MACROD2: variants seen among roughly 807,000 people sequenced by gnomAD.
MACROD2 encodes the protein mono-ADP ribosylhydrolase 2.
Under a neutral mutation model 70.4 loss-of-function variants are expected in MACROD2, and 36 were observed. The observed-to-expected ratio is 0.51, with a 90% CI of 0.39 to 0.68. The LOEUF (loss-of-function observed/expected upper bound fraction) is 0.68, where lower values mean the gene tolerates loss of function less well. MACROD2 is among the 30% of genes least tolerant of loss of function. The pLI is 0.00. For synonymous variants in MACROD2, 172 were observed against 178.8 expected (o/e 0.96, Z 0.30); for missense variants, 496 against 538.4 (o/e 0.92, Z 0.78).
intron 3 of MACROD2, among the ~76,000 whole-genome samples, chr20:14,365,119 G>C (rs1323888476): frequency 6.6e-6 from 1 of 152,094 alleles, no homozygotes; most frequent in African/African-American, 2.4e-5. Flanking sequence ...TTGATGGGTG[G>C]TTTTTGATTA....
chr20:15,997,537 C>T (rs955096476), intron 15 of MACROD2, among the ~76,000 whole-genome samples: 1 of 151,910 alleles, frequency 6.6e-6, no homozygotes, highest in African/African-American at 2.4e-5. Flanking sequence ...CCTGATTTTT[C>T]TGTTGATTTC....
At position 15,088,397 on chromosome 20, in the gene MACROD2, T is replaced by TTA. The variant is rs71190173; in HGVS notation, c.419-141490_419-141489dup. ...ACCATTAAAACATATATACTATATT[T>TTA]TATATATATATATATATATATATAT... On this transcript the variant is annotated intron_variant, in intron 5 of 17. Transcript: ENST00000684519. 1.3e-3 allele frequency among the ~76,000 whole-genome samples: 139 copies of TTA among 111,006 alleles called. 1 individual carries two copies. Among genetic ancestry groups the TTA allele is most frequent in the East Asian group, 7.7e-3 (17 of 2,198 alleles). 72.8% of individuals were successfully genotyped at this position (111,006 alleles called of 152,430 possible).
At chr20:14,677,756 G>C (rs2070879586) in intron 4 of MACROD2, among the ~76,000 whole-genome samples, 1 of 152,136 alleles carries the variant, frequency 6.6e-6, no homozygotes, top group Non-Finnish European at 1.5e-5. Flanking sequence ...TCACTAAGTA[G>C]GAGGAACAGC....
At chr20:16,004,620 C>A (rs1167745974) in intron 15 of MACROD2, among the ~76,000 whole-genome samples, 1 of 152,218 alleles carries the variant, frequency 6.6e-6, no homozygotes, top group Non-Finnish European at 1.5e-5. Context: ...CTCTTATACT[C>A]TCTGCCTTTA....
Position 14,012,161 on chromosome 20 carries a change from C to T in MACROD2, c.163+9757C>T, listed in dbSNP as rs146307604. Among the ~76,000 whole-genome samples, 486 of 152,272 alleles carry T rather than the reference C, an allele frequency of 3.2e-3. 6 individuals are homozygous for T. Among genetic ancestry groups the T allele is most frequent in the African/African-American group, 0.011 (467 of 41,544 alleles). ...GCCTCAAGTGATCCACCCTCCTCTG[C>T]GTCCCAAAGTGCTGGGATTACAGGT... On this transcript the variant is annotated intron_variant, in intron 2 of 17. Transcript: ENST00000684519.
chr20:14,489,934 C>T (rs910888772), intron 3 of MACROD2, among the ~76,000 whole-genome samples: 2 of 151,454 alleles, frequency 1.3e-5, no homozygotes, highest in Non-Finnish European at 2.9e-5. Flanking sequence ...AATCTCGGCT[C>T]ACTGCCACCT....
chr20:14,273,966 A>G (rs1470867600), intron 3 of MACROD2, among the ~76,000 whole-genome samples: 2 of 152,178 alleles, frequency 1.3e-5, no homozygotes, highest in South Asian at 4.1e-4. Context: ...ATCTCTGAAT[A>G]GACCAATAAC....
intron 4 of MACROD2, among the ~76,000 whole-genome samples, chr20:14,640,271 G>A (rs1375453030): frequency 6.6e-6 from 1 of 152,150 alleles, no homozygotes; most frequent in East Asian, 1.9e-4. Flanking sequence ...GATTTCTATA[G>A]CAACTGGAAT....
intron 5 of MACROD2, among the ~76,000 whole-genome samples, chr20:15,050,159 A>G (rs980581121): frequency 6.6e-6 from 1 of 152,108 alleles, no homozygotes; most frequent in East Asian, 1.9e-4. Context: ...TAACAATCAT[A>G]CAAAAGGAGC....
chr20:14,835,183 G>C (rs16995057), intron 5 of MACROD2, among the ~76,000 whole-genome samples: 1,759 of 151,970 alleles, frequency 0.012, 48 homozygotes, highest in African/African-American at 0.039. Flanking sequence ...GTTACTTTTT[G>C]TTTATTACTT....
chr20:15,166,082 TG>T (rs773643315), intron 5 of MACROD2, among the ~76,000 whole-genome samples: 3 of 152,140 alleles, frequency 2.0e-5, no homozygotes, highest in Non-Finnish European at 4.4e-5. Flanking sequence ...TGCATGCAGC[TG>T]GGGGTAGGAA....
intron 15 of MACROD2, among the ~76,000 whole-genome samples, chr20:16,029,304 C>T (rs2067121649): frequency 1.3e-5 from 2 of 152,118 alleles, no homozygotes; most frequent in Admixed American, 1.3e-4. Context: ...TGATCAGAAC[C>T]ATCATTTGAA....
intron 5 of MACROD2, among the ~76,000 whole-genome samples, chr20:14,915,974 C>G (rs1317932638): frequency 6.6e-6 from 1 of 152,176 alleles, no homozygotes; most frequent in African/African-American, 2.4e-5. Flanking sequence ...AAAAAAAGAG[C>G]TGTCCATTCT....
chr20:14,406,372 A>T (rs1164690571), intron 3 of MACROD2, among the ~76,000 whole-genome samples: 2 of 152,216 alleles, frequency 1.3e-5, no homozygotes, highest in Middle Eastern at 3.4e-3. Context: ...CCTGGCTTAG[A>T]CGTGTTCTGA....
chr20:14,345,458 G>A (rs567097609), intron 3 of MACROD2, among the ~76,000 whole-genome samples: 1 of 151,876 alleles, frequency 6.6e-6, no homozygotes, highest in African/African-American at 2.4e-5. Flanking sequence ...GTAATTATAA[G>A]GAACTTTTAA....
intron 3 of MACROD2, among the ~76,000 whole-genome samples, chr20:14,126,795 C>A (rs2054656440): frequency 6.6e-6 from 1 of 152,074 alleles, no homozygotes; most frequent in African/African-American, 2.4e-5. Context: ...GGGGTACCAC[C>A]AACCGCACCC....
chr20:15,248,658 C>T (rs527279505), intron 6 of MACROD2, among the ~76,000 whole-genome samples: 30 of 152,230 alleles, frequency 2.0e-4, no homozygotes, highest in Admixed American at 1.6e-3. Flanking sequence ...CCCCAGAGTC[C>T]GCTCAGTCTC....
chr20:15,993,688 A>G (rs188076867), intron 15 of MACROD2, among the ~76,000 whole-genome samples: 2 of 152,204 alleles, frequency 1.3e-5, no homozygotes, highest in African/African-American at 4.8e-5. Flanking sequence ...ACATTCAGAA[A>G]CACTGAATAT....
intron 8 of MACROD2, among the ~76,000 whole-genome samples, chr20:15,604,532 C>T (rs2048866822): frequency 6.6e-6 from 1 of 152,162 alleles, no homozygotes; most frequent in South Asian, 2.1e-4. Context: ...GACAAGAGGA[C>T]CAAATGGGAC....
Sources: allele counts gnomAD v4.1 joint callset (sites outside exome capture counted in the v4.1 genomes callset), GRCh38; gene constraint gnomAD v4.1.1; transcripts MANE v1.5; gene names NCBI Gene and HGNC (gene_info 2026-07-23, HGNC 2026-07-21).